Variants in VPS13B observed in about 807,000 individuals in gnomAD.
VPS13B encodes intermembrane lipid transfer protein VPS13B.
A neutral mutation model predicts 426.4 loss-of-function variants in VPS13B; 285 were observed. That is an observed-to-expected ratio of 0.67 (90% confidence interval 0.61 to 0.74). The LOEUF is 0.74. Ranked by LOEUF, VPS13B falls within the 30% of genes least tolerant of loss-of-function variation. VPS13B has a pLI of 0.00. For synonymous variants in VPS13B, 1,676 were observed against 1,676.4 expected, an observed-to-expected ratio of 1.00 and a Z score of 0.01; for missense variants, 4,537 against 4,782.6, an observed-to-expected ratio of 0.95 and a Z score of 1.51.
chr8:99,735,980 C>T (rs1270591361), intron 39 of VPS13B, among the ~76,000 whole-genome samples: 1 of 152,172 alleles, frequency 6.6e-6, no homozygotes, highest in Non-Finnish European at 1.5e-5. Context: ...GCTTGGGTCG[C>T]AGTGGGCTTA....
At chr8:99,868,911 TC>T (rs1817247407) in intron 59 of VPS13B, among the ~76,000 whole-genome samples, 1 of 152,164 alleles carries the variant, frequency 6.6e-6, no homozygotes, top group Non-Finnish European at 1.5e-5. Context: ...ACAGAGGACA[TC>T]CTGCCCCTCG....
intron 31 of VPS13B, among the ~76,000 whole-genome samples, chr8:99,556,970 T>C (rs1824613072): frequency 6.6e-6 from 1 of 151,504 alleles, no homozygotes; most frequent in Non-Finnish European, 1.5e-5. Context: ...GTATTTGGGG[T>C]CAATTGTTTG....
At chr8:99,488,959 A>T (rs986448155) in intron 25 of VPS13B, among the ~76,000 whole-genome samples, 2 of 152,158 alleles carry the variant, frequency 1.3e-5, no homozygotes, top group Admixed American at 1.3e-4. Flanking sequence ...GTCTTTGCCC[A>T]TTCCTATGTC....
chr8:99,536,149 A>G (rs1200070366), intron 30 of VPS13B, among the ~76,000 whole-genome samples: 2 of 152,012 alleles, frequency 1.3e-5, no homozygotes, highest in African/African-American at 2.4e-5. Context: ...GGGTTTCACC[A>G]TATTGGTCAG....
chr8:99,698,766 CTTA>C (rs1461383134), intron 35 of VPS13B, among the ~76,000 whole-genome samples: 2 of 152,008 alleles, frequency 1.3e-5, no homozygotes, highest in African/African-American at 4.8e-5. Context: ...AGTCTTATGT[CTTA>C]TTAATAATAG....
At chr8:99,206,753 G>C (rs1003370534) in intron 17 of VPS13B, among the ~76,000 whole-genome samples, 12 of 152,106 alleles carry the variant, frequency 7.9e-5, no homozygotes, top group Non-Finnish European at 1.5e-4. Flanking sequence ...AAAGGATTTT[G>C]GAGTTGTTGA....
chr8:99,084,945 A>G (rs1845691744), intron 3 of VPS13B, among the ~76,000 whole-genome samples: 1 of 152,104 alleles, frequency 6.6e-6, no homozygotes, highest in African/African-American at 2.4e-5. Context: ...TTTGGGGTGG[A>G]GAGTTCTGTA....
chr8:99,447,228 C>T (rs2133451434), intron 23 of VPS13B, among the ~76,000 whole-genome samples: 1 of 152,246 alleles, frequency 6.6e-6, no homozygotes, highest in Admixed American at 6.5e-5. Flanking sequence ...ACTATGAGTT[C>T]AGAACCATTT....
intron 22 of VPS13B, among the ~76,000 whole-genome samples, chr8:99,440,235 A>T (rs1439984787): frequency 1.3e-5 from 2 of 152,148 alleles, no homozygotes; most frequent in African/African-American, 2.4e-5. Context: ...TGCATTCATG[A>T]ATAGGATATT....
rs754060289 is a variant in VPS13B, at chr8:99,016,586, CTTTTTTT to C, written c.147+2668_147+2674del. On this transcript the variant is annotated intron_variant, in intron 2 of 61. Transcript: ENST00000357162. ...TCTGTCTTATTGATATATAGGAATT[CTTTTTTT>C]TTTTTTTTTTTTTTTTGAGACGGAG... Among the ~76,000 whole-genome samples, 39 of 60,748 alleles carry C rather than the reference CTTTTTTT, an allele frequency of 6.4e-4. No homozygotes were observed. The South Asian group carries it at 0.017, about 26-fold the overall frequency. The allele number at this position is 60,748 out of a possible 152,430, so 39.9% of individuals were successfully genotyped here.
Position 99,821,625 on chromosome 8 carries a change from C to T in VPS13B, c.9183+143C>T, listed in dbSNP as rs1588747682. On this transcript the variant is annotated intron_variant, in intron 50 of 61. Coordinates refer to ENST00000357162, the MANE Select transcript of VPS13B (RefSeq NM_152564.5). ...TATAACAGTACATTTGATTTCTTAA[C>T]TTCTTAGACCTCTGTTTTACAGTGC... 9 of 979,916 alleles carry T rather than the reference C, an allele frequency of 9.2e-6. No homozygotes were observed. In the East Asian group the frequency reaches 2.3e-4, roughly 26 times the overall value. The allele number at this position is 979,916 out of a possible 1,614,324, so 60.7% of individuals were successfully genotyped here. A position where few individuals can be genotyped will look rare whatever the true frequency, so the allele number is the denominator to read the frequency against.
At chr8:99,251,784 G>A (rs760237878) in intron 17 of VPS13B, among the ~76,000 whole-genome samples, 18 of 151,878 alleles carry the variant, frequency 1.2e-4, no homozygotes, top group Non-Finnish European at 2.4e-4. Flanking sequence ...TTCTCCATTT[G>A]GACCTGGAGA....
At chr8:99,640,195 G>A (rs1829300845) in intron 33 of VPS13B, among the ~76,000 whole-genome samples, 1 of 151,928 alleles carries the variant, frequency 6.6e-6, no homozygotes, top group Admixed American at 6.6e-5. Context: ...CAGCCTTTTT[G>A]GATAGATGTT....
intron 21 of VPS13B, among the ~76,000 whole-genome samples, chr8:99,418,207 G>A (rs773725988): frequency 4.6e-5 from 7 of 152,066 alleles, no homozygotes; most frequent in Non-Finnish European, 7.4e-5. Context: ...TACTCCATAA[G>A]TAGTTTTTGA....
intron 17 of VPS13B, among the ~76,000 whole-genome samples, chr8:99,257,659 C>T (rs1393352073): frequency 6.6e-6 from 1 of 152,106 alleles, no homozygotes; most frequent in Non-Finnish European, 1.5e-5. Context: ...GCTTCTTTAG[C>T]CATGCTTCAA....
chr8:99,077,523 GT>G (rs771794028), intron 3 of VPS13B, among the ~76,000 whole-genome samples: 5 of 151,924 alleles, frequency 3.3e-5, no homozygotes, highest in African/African-American at 9.7e-5. Context: ...TTGGTGGGCA[GT>G]TTTTTTCTTT....
chr8:99,301,232 T>A (rs1449916213), intron 19 of VPS13B, among the ~76,000 whole-genome samples: 8 of 151,984 alleles, frequency 5.3e-5, no homozygotes, highest in African/African-American at 1.9e-4. Context: ...AAATTTTTTT[T>A]AACTTTTATT....
chr8:99,508,302 A>G (rs1821607919), intron 28 of VPS13B, among the ~76,000 whole-genome samples: 1 of 152,188 alleles, frequency 6.6e-6, no homozygotes. Flanking sequence ...AATTCAAAGT[A>G]ACTTGTGTGG....
chr8:99,515,777 T>C (rs989732450), intron 29 of VPS13B, among the ~76,000 whole-genome samples: 2 of 152,142 alleles, frequency 1.3e-5, no homozygotes, highest in African/African-American at 4.8e-5. Flanking sequence ...CGATGTCTAA[T>C]TGCCTTCCTA....
Sources: allele counts gnomAD v4.1 joint callset (sites outside exome capture counted in the v4.1 genomes callset), GRCh38; gene constraint gnomAD v4.1.1; transcripts MANE v1.5; gene names NCBI Gene and HGNC (gene_info 2026-07-23, HGNC 2026-07-21).